The following ADAMTS6 variants were observed in gnomAD, a reference collection of about 807,000 sequenced individuals.
The protein encoded by ADAMTS6 is A disintegrin and metalloproteinase with thrombospondin motifs 6.
ADAMTS6 carries 23 observed loss-of-function variants against 144.3 expected under a neutral mutation model. The ratio of observed to expected loss-of-function variants is 0.16; its 90% CI spans 0.11 to 0.23. ADAMTS6 has a LOEUF of 0.23. Ranked by LOEUF, ADAMTS6 falls within the 10% of genes least tolerant of loss-of-function variation. The pLI is 1.00. For synonymous variants in ADAMTS6, 444 were observed against 457.5 expected, an observed-to-expected ratio of 0.97 and a Z score of 0.38; for missense variants, 999 against 1,379.6, an observed-to-expected ratio of 0.72 and a Z score of 4.37.
intron 21 of ADAMTS6, among the ~76,000 whole-genome samples, chr5:65,188,701 A>G (rs377002195): frequency 5.9e-5 from 9 of 152,202 alleles, no homozygotes; most frequent in African/African-American, 1.7e-4. Flanking sequence ...TTGATATACT[A>G]AAGGTGAACA....
At chr5:65,370,079 G>C (rs990679878) in intron 7 of ADAMTS6, among the ~76,000 whole-genome samples, 8 of 152,074 alleles carry the variant, frequency 5.3e-5, no homozygotes, top group African/African-American at 1.9e-4. Flanking sequence ...TATATTTTAA[G>C]GTCAGTGAAC....
At chr5:65,398,812 G>GAAAGA (rs1561501594) in intron 7 of ADAMTS6, among the ~76,000 whole-genome samples, 5 of 114,152 alleles carry the variant, frequency 4.4e-5, no homozygotes, top group African/African-American at 2.0e-4. Flanking sequence ...AAGAAAGAAA[G>GAAAGA]AAAGAAAGAA....
At chr5:65,284,003 T>G (rs916724722) in intron 11 of ADAMTS6, among the ~76,000 whole-genome samples, 1 of 152,092 alleles carries the variant, frequency 6.6e-6, no homozygotes, top group Non-Finnish European at 1.5e-5. Context: ...TACTTCTCAG[T>G]ATTTCCCTGC....
At chr5:65,441,306 C>T (rs1757840510) in intron 7 of ADAMTS6, among the ~76,000 whole-genome samples, 2 of 152,072 alleles carry the variant, frequency 1.3e-5, no homozygotes, top group South Asian at 4.1e-4. Flanking sequence ...AGAAGAGAGA[C>T]TTTAAAATCA....
intron 9 of ADAMTS6, among the ~76,000 whole-genome samples, chr5:65,327,915 T>G (rs1561428449): frequency 6.6e-6 from 1 of 152,182 alleles, no homozygotes; most frequent in Non-Finnish European, 1.5e-5. Context: ...TAACTGAATC[T>G]AACAGAACCT....
At chr5:65,338,743 G>A (rs1487634280) in intron 7 of ADAMTS6, among the ~76,000 whole-genome samples, 2 of 152,050 alleles carry the variant, frequency 1.3e-5, no homozygotes, top group Non-Finnish European at 2.9e-5. Flanking sequence ...AAGAAGTCAT[G>A]TGACCACATC....
intron 7 of ADAMTS6, among the ~76,000 whole-genome samples, chr5:65,402,940 T>C (rs1222064111): frequency 6.6e-6 from 1 of 152,190 alleles, no homozygotes; most frequent in East Asian, 1.9e-4. Context: ...AAGTTGTGTA[T>C]ATGCAATGTC....
At chr5:65,155,612 T>A (rs992968073) in intron 24 of ADAMTS6, among the ~76,000 whole-genome samples, 1 of 152,218 alleles carries the variant, frequency 6.6e-6, no homozygotes, top group African/African-American at 2.4e-5. Context: ...TGACCGTATA[T>A]AAAATGTCAG....
intron 7 of ADAMTS6, among the ~76,000 whole-genome samples, chr5:65,402,546 C>T (rs1754015365): frequency 6.6e-6 from 1 of 152,144 alleles, no homozygotes; most frequent in Non-Finnish European, 1.5e-5. Context: ...CTAATGACTG[C>T]TTTCTATTTC....
chr5:65,346,145 C>A (rs887997993), intron 7 of ADAMTS6, among the ~76,000 whole-genome samples: 1 of 151,830 alleles, frequency 6.6e-6, no homozygotes, highest in Non-Finnish European at 1.5e-5. Flanking sequence ...TTTTATGAAG[C>A]TAGCATTATC....
chr5:65,191,663 A>T (rs1443548605), intron 21 of ADAMTS6, among the ~76,000 whole-genome samples: 1 of 152,110 alleles, frequency 6.6e-6, no homozygotes, highest in Non-Finnish European at 1.5e-5. Flanking sequence ...AAATTAACTT[A>T]AAAAAATTTC....
chr5:65,452,334 A>G (rs1758817371), intron 5 of ADAMTS6, 118 bp from the exon 6 acceptor site: 3 of 777,384 alleles, frequency 3.9e-6, no homozygotes, highest in South Asian at 3.8e-5. Context: ...ACATTACCCC[A>G]TATCACTTAG....
At chr5:65,304,925 G>A (rs1743782864) in intron 9 of ADAMTS6, among the ~76,000 whole-genome samples, 1 of 151,888 alleles carries the variant, frequency 6.6e-6, no homozygotes, top group South Asian at 2.1e-4. Context: ...GAAAAAAAAT[G>A]CTACAGAAAA....
At chr5:65,411,566 T>A (rs2150183098) in intron 7 of ADAMTS6, among the ~76,000 whole-genome samples, 1 of 152,294 alleles carries the variant, frequency 6.6e-6, no homozygotes, top group Non-Finnish European at 1.5e-5. Flanking sequence ...CCATAGTCTA[T>A]CTGGTCCCTG....
intron 11 of ADAMTS6, among the ~76,000 whole-genome samples, chr5:65,286,495 T>G (rs1741677108): frequency 6.6e-6 from 1 of 152,158 alleles, no homozygotes; most frequent in South Asian, 2.1e-4. Flanking sequence ...AACATTTAAG[T>G]CTATGTAAAC....
At chr5:65,252,324 T>C (rs1170675488) in intron 14 of ADAMTS6, among the ~76,000 whole-genome samples, 4 of 151,624 alleles carry the variant, frequency 2.6e-5, no homozygotes, top group Non-Finnish European at 5.9e-5. Context: ...CTTTTTTTTT[T>C]CTTTTTTTGA....
At chr5:65,462,325 C>G (rs770437047) in intron 3 of ADAMTS6, among the ~76,000 whole-genome samples, 1 of 151,992 alleles carries the variant, frequency 6.6e-6, no homozygotes, top group Non-Finnish European at 1.5e-5. Flanking sequence ...TCTGTGGGCA[C>G]AAGAAAATTG....
intron 9 of ADAMTS6, among the ~76,000 whole-genome samples, chr5:65,319,497 T>C (rs1745323322): frequency 7.0e-6 from 1 of 143,770 alleles, no homozygotes; most frequent in Non-Finnish European, 1.5e-5. Context: ...CTGGGAAACA[T>C]GGTGAAACCC....
intron 14 of ADAMTS6, among the ~76,000 whole-genome samples, chr5:65,243,813 AAAAC>A (rs1759409333): frequency 1.3e-5 from 2 of 152,126 alleles, no homozygotes; most frequent in African/African-American, 4.8e-5. Context: ...AACGATTTCA[AAAAC>A]AAACAAAAAA....
Sources: gnomAD v4.1 joint callset for allele counts (sites outside exome capture counted in the v4.1 genomes callset) on GRCh38, gnomAD v4.1.1 for gene constraint, MANE v1.5 for transcripts, NCBI Gene and HGNC (gene_info 2026-07-23, HGNC 2026-07-21) for gene names.